FGF14: variants seen among roughly 807,000 people sequenced by gnomAD.
FGF14 encodes the protein fibroblast growth factor homologous factor 4.
A neutral mutation model predicts 25.5 loss-of-function variants in FGF14; 5 were observed. That is an observed-to-expected ratio of 0.20 (90% confidence interval 0.10 to 0.41). The LOEUF (loss-of-function observed/expected upper bound fraction) is 0.41, where lower values mean the gene tolerates loss of function less well. Among genes scored for constraint, FGF14 ranks in the 10% least tolerant of loss-of-function variants. The pLI is 1.00. For synonymous variants in FGF14, 138 were observed against 118.3 expected (o/e 1.17, Z -1.08); for missense variants, 222 against 320.1 (o/e 0.69, Z 2.34).
intron 3 of FGF14, among the ~76,000 whole-genome samples, chr13:101,766,166 A>G (rs1007966308): frequency 6.6e-6 from 1 of 152,342 alleles, no homozygotes; most frequent in Middle Eastern, 3.4e-3. Context: ...AGCTGGAATG[A>G]TATCATTCAG....
chr13:101,941,984 T>A (rs1039074485), intron 1 of FGF14, among the ~76,000 whole-genome samples: 2 of 152,224 alleles, frequency 1.3e-5, no homozygotes, highest in Non-Finnish European at 2.9e-5. Context: ...AAACCTCAAC[T>A]ATCTTAATAG....
Position 101,721,535 on chromosome 13 carries a change from T to G in FGF14, c.*1296A>C, listed in dbSNP as rs540292614. 3.9e-5 allele frequency: 6 copies of G among 152,254 alleles called. No individual in the cohort carries two copies. In the East Asian group the frequency reaches 1.2e-3, roughly 29 times the overall value. The allele number at this position is 152,254 out of a possible 1,614,324, so 9.4% of individuals were successfully genotyped here. A position where few individuals can be genotyped will look rare whatever the true frequency, so the allele number is the denominator to read the frequency against. On this transcript the variant is annotated 3_prime_UTR_variant, in exon 5 of 5. Transcript: ENST00000376143. The stretch of plus-strand genomic sequence containing the variant: ...ACTGGGCAACATGAGCCCCAGATGC[T>G]GAGCTAGAGGCATGTACTGGTGAAA...
intron 1 of FGF14, among the ~76,000 whole-genome samples, chr13:102,232,242 A>G (rs1469853109): frequency 1.3e-5 from 2 of 152,220 alleles, no homozygotes; most frequent in African/African-American, 4.8e-5. Context: ...TAGGTGATTA[A>G]AAGTAGAAAA....
upstream of FGF14, among the ~76,000 whole-genome samples, chr13:101,918,494 C>T (rs1360179060): frequency 6.6e-6 from 1 of 152,162 alleles, no homozygotes; most frequent in South Asian, 2.1e-4. Context: ...TGCTTTAGAG[C>T]TGGAAAGAGG....
intron 1 of FGF14, among the ~76,000 whole-genome samples, chr13:101,972,882 G>A (rs376432485): frequency 1.4e-4 from 22 of 152,244 alleles, no homozygotes; most frequent in Admixed American, 1.2e-3. Context: ...ATTTTCCTTT[G>A]CTGGGGGAGA....
At chr13:102,020,574 A>C (rs904546106) in intron 1 of FGF14, among the ~76,000 whole-genome samples, 3 of 151,450 alleles carry the variant, frequency 2.0e-5, no homozygotes, top group African/African-American at 7.2e-5. Flanking sequence ...AGAGAGAAGG[A>C]AGGAAACAAA....
intron 1 of FGF14, among the ~76,000 whole-genome samples, chr13:102,066,803 A>T (rs1031743047): frequency 6.6e-6 from 1 of 152,136 alleles, no homozygotes; most frequent in African/African-American, 2.4e-5. Flanking sequence ...TCTCCTCTTA[A>T]AACAAGAGCT....
intron 1 of FGF14, among the ~76,000 whole-genome samples, chr13:101,934,723 A>C (rs1594767692): frequency 6.7e-6 from 1 of 149,950 alleles, no homozygotes; most frequent in South Asian, 2.1e-4. Context: ...TGAAAGTCCA[A>C]ATGCCCCTCA....
chr13:102,177,372 G>A (rs994256924), intron 1 of FGF14, among the ~76,000 whole-genome samples: 3 of 152,236 alleles, frequency 2.0e-5, no homozygotes, highest in Non-Finnish European at 4.4e-5. Context: ...GATGTTTTCA[G>A]CCCTAGTGTC....
At chr13:102,399,252 A>G (rs149289155) in intron 1 of FGF14, among the ~76,000 whole-genome samples, 9 of 152,280 alleles carry the variant, frequency 5.9e-5, no homozygotes, top group Non-Finnish European at 7.4e-5. Context: ...AAGGCCTACA[A>G]AGAAACTTAC....
intron 1 of FGF14, among the ~76,000 whole-genome samples, chr13:102,287,191 GGAA>G (rs2054148015): frequency 6.6e-6 from 1 of 152,194 alleles, no homozygotes; most frequent in Non-Finnish European, 1.5e-5. Context: ...ATAGCGATTA[GGAA>G]GAAGGCTAGT....
intron 1 of FGF14, among the ~76,000 whole-genome samples, chr13:101,897,863 G>T (rs1381344560): frequency 6.6e-6 from 1 of 152,058 alleles, no homozygotes; most frequent in African/African-American, 2.4e-5. Flanking sequence ...CAAAGTAAAT[G>T]TTCATTGAAG....
intron 1 of FGF14, among the ~76,000 whole-genome samples, chr13:101,984,071 A>G (rs1372090413): frequency 1.3e-5 from 2 of 152,170 alleles, no homozygotes; most frequent in South Asian, 2.1e-4. Context: ...TCCCATTCAT[A>G]TAACAGAGAT....
chr13:101,802,209 C>A, intron 3 of FGF14: 1 of 252,474 alleles, frequency 4.0e-6, no homozygotes, highest in South Asian at 4.7e-5. Context: ...ATCTGCAAAT[C>A]CTGGCATCCG....
At chr13:101,903,358 C>A (rs1270173517) in intron 1 of FGF14, among the ~76,000 whole-genome samples, 1 of 152,044 alleles carries the variant, frequency 6.6e-6, no homozygotes, top group Non-Finnish European at 1.5e-5. Context: ...TTTAACTTTG[C>A]ACCTAGTGTG....
chr13:101,803,309 T>G (rs1223999992), intron 3 of FGF14, among the ~76,000 whole-genome samples: 1 of 151,748 alleles, frequency 6.6e-6, no homozygotes, highest in African/African-American at 2.4e-5. Flanking sequence ...AAAAAAAAAT[T>G]ATGGAATTGG....
intron 3 of FGF14, among the ~76,000 whole-genome samples, chr13:101,785,807 A>T (rs927166803): frequency 2.6e-5 from 4 of 152,158 alleles, no homozygotes; most frequent in African/African-American, 9.7e-5. Flanking sequence ...ATTGAAGATT[A>T]AGTTAATTTA....
intron 3 of FGF14, among the ~76,000 whole-genome samples, chr13:101,852,156 C>T (rs2043883722): frequency 6.6e-6 from 1 of 152,066 alleles, no homozygotes; most frequent in African/African-American, 2.4e-5. Context: ...AATTACATCA[C>T]AGGCTGGTTG....
intron 3 of FGF14, among the ~76,000 whole-genome samples, chr13:101,841,459 T>G (rs969226070): frequency 2.6e-5 from 4 of 152,024 alleles, no homozygotes; most frequent in African/African-American, 9.7e-5. Flanking sequence ...GTAGCAATAA[T>G]AGACATTTTC....
Sources: gnomAD v4.1 joint callset for allele counts (sites outside exome capture counted in the v4.1 genomes callset) on GRCh38, gnomAD v4.1.1 for gene constraint, MANE v1.5 for transcripts, NCBI Gene and HGNC (gene_info 2026-07-23, HGNC 2026-07-21) for gene names.